The following PCDHA8 variants were observed in gnomAD, a reference collection of about 807,000 sequenced individuals.
The protein encoded by PCDHA8 is protocadherin alpha-8.
In PCDHA8, 53 loss-of-function variants were observed where a neutral mutation model predicts 61.8. That is an observed-to-expected ratio of 0.86 (90% CI 0.69 to 1.08). The LOEUF (loss-of-function observed/expected upper bound fraction) is 1.08, where lower values mean the gene tolerates loss of function less well. Ranked by LOEUF, PCDHA8 falls within the 50% of genes least tolerant of loss-of-function variation. The pLI is 0.00. For missense variants in PCDHA8, 1,293 were observed against 1,245.0 expected, an observed-to-expected ratio of 1.04 and a Z score of -0.58; for synonymous variants, 618 against 556.6, an observed-to-expected ratio of 1.11 and a Z score of -1.55.
rs782157769 is a variant in PCDHA8, at chr5:140,877,409, G to T, written c.2394+33694G>T. On this transcript the variant is annotated intron_variant, in intron 1 of 3. Coordinates refer to ENST00000531613, the MANE Select transcript of PCDHA8 (RefSeq NM_018911.3). ...GATGAGGCGGACGCTCCGCGCCACC[G>T]CCTGCTGGTGCTGGTGAAGGACCAC... 11 of 1,613,802 alleles carry T rather than the reference G, an allele frequency of 6.8e-6. No homozygotes were observed. The African/African-American group carries it at 1.3e-4, about 20-fold the overall frequency.
chr5:140,848,618 C>T lies in PCDHA8; in HGVS notation c.2394+4903C>T, dbSNP rs138258410. ...ACTCCGTCCCGGAGGAAGCCGAACA[C>T]GGCACCTTCGTGGGCCGCATCGCGC... is the stretch of plus-strand genomic sequence containing the variant. On this transcript the variant is annotated intron_variant, in intron 1 of 3. Transcript: ENST00000531613. The T allele has an allele frequency of 2.5e-3, 4,005 of 1,588,154 alleles. 452 individuals carry two copies. Among genetic ancestry groups the T allele is most frequent in the Middle Eastern group, 9.3e-3 (53 of 5,704 alleles).
chr5:140,931,430 A>G (rs1431087207), intron 1 of PCDHA8, among the ~76,000 whole-genome samples: 2 of 149,950 alleles, frequency 1.3e-5, no homozygotes, highest in Non-Finnish European at 3.0e-5. Flanking sequence ...AGTTAGAAGG[A>G]AAATTAGCTA....
At chr5:140,963,220 G>A (rs2095749091) in intron 1 of PCDHA8, among the ~76,000 whole-genome samples, 2 of 152,122 alleles carry the variant, frequency 1.3e-5, no homozygotes, top group East Asian at 1.9e-4. Flanking sequence ...CGTGTTTAGA[G>A]TAGACACTGT....
At position 140,858,391 on chromosome 5, in the gene PCDHA8, T is replaced by G. The variant is rs1214576702; in HGVS notation, c.2394+14676T>G. ...GCCTTCCACCATGCCCAATGGTAGA[T>G]GTGGACGGGGAAGATCAGTCTATTG... On this transcript the variant is annotated intron_variant, in intron 1 of 3. Transcript: ENST00000531613. 2.5e-6 allele frequency: 4 copies of G among 1,577,710 alleles called. 1 individual carries two copies. The highest frequency in any genetic ancestry group is 3.5e-6 in the Non-Finnish European group (4 of 1,154,364).
intron 1 of PCDHA8, chr5:140,848,942 C>A (rs1417497577): frequency 6.2e-7 from 1 of 1,607,226 alleles, no homozygotes; most frequent in African/African-American, 1.4e-5. Flanking sequence ...GGCCGCTTGA[C>A]TCTCGGTTTC....
intron 1 of PCDHA8, chr5:140,927,559 G>C: frequency 6.2e-7 from 1 of 1,614,170 alleles, no homozygotes; most frequent in Non-Finnish European, 8.5e-7. Flanking sequence ...CACCATCATT[G>C]TGGTGGACAC....
intron 1 of PCDHA8, chr5:140,969,131 A>G: frequency 6.2e-7 from 1 of 1,614,138 alleles, no homozygotes; most frequent in South Asian, 1.1e-5. Flanking sequence ...CTCCCTCACC[A>G]AGACCTACTG....
chr5:140,862,809 G>C (rs782185253), intron 1 of PCDHA8: 2 of 572,722 alleles, frequency 3.5e-6, no homozygotes, highest in South Asian at 1.4e-5. Context: ...AGCTGCTGCA[G>C]TTCTAGGTGA....
intron 1 of PCDHA8, among the ~76,000 whole-genome samples, chr5:140,915,626 G>GTCTCTCTCTCTCTCTC (rs57920489): frequency 1.4e-5 from 2 of 146,436 alleles, no homozygotes; most frequent in African/African-American, 2.5e-5. Context: ...GTCTCTTTCT[G>GTCTCTCTCTCTCTCTC]TCTCTCTCTC....
chr5:140,889,388 A>C (rs1554183883), intron 1 of PCDHA8, among the ~76,000 whole-genome samples: 1 of 152,070 alleles, frequency 6.6e-6, no homozygotes, highest in African/African-American at 2.4e-5. Context: ...AGGACCATTC[A>C]GAGTTTAATT....
intron 1 of PCDHA8, among the ~76,000 whole-genome samples, chr5:140,917,131 G>C (rs572644426): frequency 6.6e-6 from 1 of 152,072 alleles, no homozygotes; most frequent in Non-Finnish European, 1.5e-5. Flanking sequence ...GACTCCCCAC[G>C]TTGCTCAGCT....
At chr5:140,987,431 C>G (rs187493051) in intron 3 of PCDHA8, among the ~76,000 whole-genome samples, 1 of 152,232 alleles carries the variant, frequency 6.6e-6, no homozygotes, top group East Asian at 1.9e-4. Context: ...AGCAGGGGGC[C>G]TTTCCCCATG....
chr5:140,842,994 A>G lies in PCDHA8; in HGVS notation c.1673A>G (p.Glu558Gly), dbSNP rs1409771801. 3.8e-6 allele frequency: 6 copies of G among 1,595,048 alleles called. 1 individual carries two copies. The Admixed American group carries it at 1.0e-4, about 27-fold the overall frequency. Reference protein sequence around the residue: ...NVTLQVFVLDENDNAPALLEP... With the variant: ...NVTLQVFVLDGNDNAPALLEP... ...ACGCTGCAGGTGTTCGTGCTGGACGAGAATGACAACGCGCCGGCACTGCTG... is the reference window on the plus strand; with the variant it reads ...ACGCTGCAGGTGTTCGTGCTGGACGGGAATGACAACGCGCCGGCACTGCTG... Residue 558 changes from glutamate to glycine, a missense_variant, in exon 1 of 4, where the codon GAG becomes GGG. Coordinates refer to ENST00000531613, the MANE Select transcript of PCDHA8 (RefSeq NM_018911.3).
chr5:140,948,839 G>A (rs2094310723), intron 1 of PCDHA8, among the ~76,000 whole-genome samples: 1 of 151,152 alleles, frequency 6.6e-6, no homozygotes, highest in African/African-American at 2.4e-5. Flanking sequence ...GCTTTTGTCT[G>A]TATTATTTGC....
chr5:140,975,380 G>A (rs1554236775), intron 1 of PCDHA8, among the ~76,000 whole-genome samples: 2 of 152,220 alleles, frequency 1.3e-5, no homozygotes, highest in African/African-American at 4.8e-5. Flanking sequence ...GTAATCATGG[G>A]AATAAGATCC....
intron 1 of PCDHA8, among the ~76,000 whole-genome samples, chr5:140,964,657 G>A (rs2067599): frequency 0.18 from 27,796 of 151,812 alleles, 2,893 homozygotes; most frequent in African/African-American, 0.28. Context: ...TAATGGGTGA[G>A]GACACAGGCC....
intron 1 of PCDHA8, among the ~76,000 whole-genome samples, chr5:140,975,386 G>A (rs2096665314): frequency 6.6e-6 from 1 of 152,252 alleles, no homozygotes; most frequent in Admixed American, 6.5e-5. Flanking sequence ...ATGGGAATAA[G>A]ATCCATCACA....
In PCDHA8 at chr5:141,008,942, A is replaced by G. The variant is rs544111760; in HGVS notation, c.2543-685A>G. Among the ~76,000 whole-genome samples the G allele has an allele frequency of 1.5e-4, 23 of 152,326 alleles. No homozygotes were observed. In the South Asian group the frequency reaches 4.8e-3, roughly 32 times the overall value. On this transcript the variant is annotated intron_variant, in intron 3 of 3. Transcript: ENST00000531613. ...ATTCAGCTAATTTTTCTTGTTTTGG[A>G]CAAAATAGACATCCTAATACATTTA...
intron 1 of PCDHA8, chr5:140,865,984 C>CT (rs1421738889): frequency 1.3e-5 from 2 of 152,088 alleles, no homozygotes; most frequent in Non-Finnish European, 2.9e-5. Context: ...TGAGATGGCA[C>CT]TAAGTTTTTT....
Sources: gnomAD v4.1 joint callset for allele counts (sites outside exome capture counted in the v4.1 genomes callset) on GRCh38, gnomAD v4.1.1 for gene constraint, MANE v1.5 for transcripts, NCBI Gene and HGNC (gene_info 2026-07-23, HGNC 2026-07-21) for gene names.